The following POLR3GL variants were observed in gnomAD, a reference collection of about 807,000 sequenced individuals.
The protein encoded by POLR3GL is RNA polymerase III subunit GL, also known as DNA-directed RNA polymerase III subunit RPC7-like.
Under a neutral mutation model 32.4 loss-of-function variants are expected in POLR3GL, and 26 were observed. That is an observed-to-expected ratio of 0.80 (90% CI 0.59 to 1.11). The LOEUF (loss-of-function observed/expected upper bound fraction) is 1.11, where lower values mean the gene tolerates loss of function less well. Ranked by LOEUF, POLR3GL falls within the 50% of genes most tolerant of loss-of-function variation. The pLI is 0.00. For synonymous variants in POLR3GL, 95 were observed against 98.7 expected (o/e 0.96, Z 0.22); for missense variants, 229 against 280.1 (o/e 0.82, Z 1.30).
chr1:145,978,216 C>A, intron 7 of POLR3GL, 120 bp downstream of exon 7: 1 of 1,393,624 alleles, frequency 7.2e-7, no homozygotes, highest in Admixed American at 2.2e-5. Flanking sequence ...GGGCTTCTCT[C>A]TACTTCATCT....
intron 1 of POLR3GL, among the ~76,000 whole-genome samples, chr1:145,970,831 G>A (rs1650245613): frequency 7.5e-6 from 1 of 132,980 alleles, no homozygotes. Context: ...AGCCGAGATC[G>A]CGCCATTGCA....
chr1:145,972,485 C>T lies in POLR3GL; in HGVS notation c.-41-2340C>T, dbSNP rs187483786. Among the ~76,000 whole-genome samples, 402 of 151,128 alleles carry T rather than the reference C, an allele frequency of 2.7e-3. 2 individuals carry two copies. The highest frequency in any genetic ancestry group is 4.6e-3 in the Non-Finnish European group (315 of 67,836). On this transcript the variant is annotated intron_variant, in intron 1 of 7. Coordinates refer to ENST00000369314, the MANE Select transcript of POLR3GL (RefSeq NM_032305.3). ...TCTACATGAGAGATTTGTCTTTTTT[C>T]CCCCATATAAATAAATTCAGTCATT... is the stretch of plus-strand genomic sequence containing the variant.
chr1:145,969,622 C>A (rs1650188554), intron 1 of POLR3GL, among the ~76,000 whole-genome samples: 1 of 148,798 alleles, frequency 6.7e-6, no homozygotes, highest in Admixed American at 6.7e-5. Context: ...TAGAAAAAAA[C>A]AAAGCATACA....
intron 2 of POLR3GL, 95 bp from the exon 3 acceptor site, chr1:145,975,212 T>C: frequency 1.3e-6 from 2 of 1,498,038 alleles, no homozygotes; most frequent in Non-Finnish European, 1.8e-6. Flanking sequence ...GGCCCTCTGC[T>C]CAGTGGGAGT....
In POLR3GL at chr1:145,977,075, A is replaced by T; in HGVS notation, c.257-9A>T. 6.2e-7 allele frequency: 1 copy of T among 1,613,178 alleles called. No homozygotes were observed. Among genetic ancestry groups the T allele is most frequent in the Non-Finnish European group, 8.5e-7 (1 of 1,179,302 alleles). ...GAAGGGATAAAACTTTGACCCTTCC[A>T]CCCCTCAGATGTGGAGCGTTATTCA... On this transcript the variant is annotated splice_polypyrimidine_tract_variant and intron_variant, in intron 3 of 7. Coordinates refer to ENST00000369314, the MANE Select transcript of POLR3GL (RefSeq NM_032305.3).
At position 145,975,294 on chromosome 1, in the gene POLR3GL, C is replaced by T; in HGVS notation, c.127-13C>T. 2 of 1,612,548 alleles carry T rather than the reference C, an allele frequency of 1.2e-6. No individual in the cohort carries two copies. The highest frequency in any genetic ancestry group is 1.1e-5 in the South Asian group (1 of 91,050). ...TTTTCTCCCTGAACTGACCACTGCC[C>T]CTGCCTCTTTAGCCCTTGGAGTTCC... On this transcript the variant is annotated splice_polypyrimidine_tract_variant and intron_variant, in intron 2 of 7. Coordinates refer to ENST00000369314, the MANE Select transcript of POLR3GL (RefSeq NM_032305.3).
At chr1:145,972,304 C>G in intron 1 of POLR3GL, among the ~76,000 whole-genome samples, 1 of 149,830 alleles carries the variant, frequency 6.7e-6, no homozygotes, top group Non-Finnish European at 1.5e-5. Flanking sequence ...CTCTTGAACC[C>G]GGGAGGTGGA....
At chr1:145,971,643 CTGTA>C (rs760075173) in intron 1 of POLR3GL, among the ~76,000 whole-genome samples, 84 of 152,054 alleles carry the variant, frequency 5.5e-4, no homozygotes, top group Non-Finnish European at 1.1e-3. Flanking sequence ...GGTCTCTCCA[CTGTA>C]AAGATATTCC....
rs781923214 is a variant in POLR3GL at position 145,978,412 on chromosome 1, G to T, written c.622G>T (p.Asp208Tyr). Residue 208 changes from aspartate to tyrosine, a missense_variant, in exon 8 of 8, where the codon GAC becomes TAC. By Grantham distance (160) the Asp-to-Tyr change is radical. Coordinates refer to ENST00000369314, the MANE Select transcript of POLR3GL (RefSeq NM_032305.3). ...TGACAATGGAGAGGACTTTGGTGGT[G>T]ACAGTGATGACAATATGGACGAGGC... ...YFDNGEDFGG[D>Y]SDDNMDEAIY 25 of 1,611,728 alleles carry T rather than the reference G, an allele frequency of 1.6e-5. No individual in the cohort carries two copies. Among genetic ancestry groups the T allele is most frequent in the Non-Finnish European group, 2.1e-5 (25 of 1,177,948 alleles).
At chr1:145,971,110 T>C (rs1278075870) in intron 1 of POLR3GL, among the ~76,000 whole-genome samples, 4 of 120,384 alleles carry the variant, frequency 3.3e-5, no homozygotes, top group East Asian at 2.6e-4. Flanking sequence ...CGCTTGAACC[T>C]GGGAGGCGGA....
chr1:145,977,405 C>A, intron 4 of POLR3GL, 78 bp from the exon 5 acceptor site: 2 of 1,403,970 alleles, frequency 1.4e-6, no homozygotes, highest in South Asian at 2.3e-5. Context: ...AAACCCTCAC[C>A]CCCCTTTAAA....
rs187721986 is a variant in POLR3GL, at chr1:145,973,509, C to T, written c.-41-1316C>T. 1.5e-4 allele frequency among the ~76,000 whole-genome samples: 23 copies of T among 151,842 alleles called. No homozygotes were observed. The East Asian group carries it at 2.9e-3, about 19-fold the overall frequency. The stretch of plus-strand genomic sequence containing the variant: ...GGTGGATCATTTGAGTCCAGGAGTT[C>T]GAGACCAGCCTGGGTGACATGGCGA... On this transcript the variant is annotated intron_variant, in intron 1 of 7. Coordinates refer to ENST00000369314, the MANE Select transcript of POLR3GL (RefSeq NM_032305.3).
intron 1 of POLR3GL, among the ~76,000 whole-genome samples, chr1:145,966,650 A>C (rs1404239053): frequency 6.6e-6 from 1 of 151,712 alleles, no homozygotes; most frequent in Non-Finnish European, 1.5e-5. Context: ...TTAGCCAGGC[A>C]TGGTGGCGCA....
chr1:145,975,954 C>T (rs1650530696), intron 3 of POLR3GL, among the ~76,000 whole-genome samples: 1 of 149,458 alleles, frequency 6.7e-6, no homozygotes, highest in South Asian at 2.1e-4. Flanking sequence ...TACAGCCATG[C>T]CTTTGAACTA....
chr1:145,978,033 AGAAGAAGAAGAAGAGAAGGAAGAGGAG>A lies in POLR3GL; in HGVS notation c.519_545del (p.Glu174_Glu182del). On this transcript the variant is annotated inframe_deletion, in exon 7 of 8. Coordinates refer to ENST00000369314, the MANE Select transcript of POLR3GL (RefSeq NM_032305.3). ...TAACTTCAGAGGAGGATGAGGAGAA[AGAAGAAGAAGAAGAGAAGGAAGAGGAG>A]GAAGAAGAAGAGTATGATGAAGAAG... The A allele has an allele frequency of 7.2e-7, 1 of 1,395,982 alleles. No individual in the cohort carries two copies. 86.5% of individuals were successfully genotyped at this position (1,395,982 alleles called of 1,614,324 possible).
Position 145,970,973 on chromosome 1 carries a change from C to T in POLR3GL, c.-41-3852C>T, listed in dbSNP as rs145321085. Among the ~76,000 whole-genome samples the T allele has an allele frequency of 9.1e-3, 1,311 of 144,304 alleles. 20 individuals carry two copies. Among genetic ancestry groups the T allele is most frequent in the African/African-American group, 0.032 (1,231 of 38,992 alleles). The allele number at this position is 144,304 out of a possible 152,430, so 94.7% of individuals were successfully genotyped here. A position where few individuals can be genotyped will look rare whatever the true frequency, so the allele number is the denominator to read the frequency against. ...GGCCGAGGCGGATGGATCACCTGGT[C>T]GGGAGGTGGAGACCAGCCTGACCAA... On this transcript the variant is annotated intron_variant, in intron 1 of 7. Transcript: ENST00000369314.
Position 145,977,724 on chromosome 1 carries a change from A to G in POLR3GL, c.383-54A>G, listed in dbSNP as rs180672517. ...CATGTTCTTTGCATGAGGATGGGCTATAAAGCTGGCAAAATTTGCTCTCTG... is the reference window on the plus strand; with the variant it reads ...CATGTTCTTTGCATGAGGATGGGCTGTAAAGCTGGCAAAATTTGCTCTCTG... On this transcript the variant is annotated intron_variant, in intron 5 of 7. Coordinates refer to ENST00000369314, the MANE Select transcript of POLR3GL (RefSeq NM_032305.3). The G allele has an allele frequency of 2.6e-5, 40 of 1,551,086 alleles. No homozygotes were observed. The East Asian group carries it at 9.0e-4, about 35-fold the overall frequency.
At chr1:145,969,785 G>C (rs1650195982) in intron 1 of POLR3GL, among the ~76,000 whole-genome samples, 1 of 150,950 alleles carries the variant, frequency 6.6e-6, no homozygotes, top group Admixed American at 6.6e-5. Context: ...TAAGCATGGT[G>C]GTGGGTGCCT....
rs781852010 is a variant in POLR3GL, at chr1:145,975,375, A to G, written c.195A>G (p.Gln65=). 1.4e-5 allele frequency: 23 copies of G among 1,614,188 alleles called. No individual in the cohort carries two copies. The highest frequency in any genetic ancestry group is 1.9e-5 in the Non-Finnish European group (23 of 1,180,006). The change falls in exon 3 of 8, where the codon CAA becomes CAG. Residue 65 remains glutamine (Q), a synonymous_variant. Transcript: ENST00000369314. The stretch of plus-strand genomic sequence containing the variant: ...GGGAATATGTCCTGGCACTGAAGCA[A>G]GAGCTACGAGGAGCCATGAGGCAGC... The part of the protein sequence containing the change: ...EEGEYVLALK[Q]ELRGAMRQLP...
Sources: allele counts gnomAD v4.1 joint callset (sites outside exome capture counted in the v4.1 genomes callset), GRCh38; gene constraint gnomAD v4.1.1; transcripts MANE v1.5; gene names NCBI Gene and HGNC (gene_info 2026-07-23, HGNC 2026-07-21).